TANC1: variants seen among roughly 807,000 people sequenced by gnomAD.
TANC1 encodes protein TANC1.
A neutral mutation model predicts 149.7 loss-of-function variants in TANC1; 77 were observed. The observed-to-expected ratio is 0.51, with a 90% CI of 0.43 to 0.62. The LOEUF is 0.62. TANC1 is among the 20% of genes least tolerant of loss of function. The pLI is 0.00. For synonymous variants in TANC1, 854 were observed against 925.0 expected (o/e 0.92, Z 1.39); for missense variants, 1,985 against 2,321.8 (o/e 0.85, Z 2.98).
intron 21 of TANC1, 91 bp downstream of exon 21, chr2:159,219,452 A>T (rs550761673): frequency 6.4e-7 from 1 of 1,562,596 alleles, no homozygotes. Context: ...TCAAATTCTA[A>T]GTTTTCTGTT....
chr2:159,228,371 G>A (rs868333445), intron 25 of TANC1: 4 of 257,916 alleles, frequency 1.6e-5, no homozygotes, highest in Non-Finnish European at 2.2e-5. Context: ...GTAACCGGTC[G>A]TGGGGAACTC....
intron 2 of TANC1, among the ~76,000 whole-genome samples, chr2:159,065,684 G>A (rs1330189656): frequency 6.6e-6 from 1 of 150,890 alleles, no homozygotes; most frequent in Non-Finnish European, 1.5e-5. Context: ...GAACTTCTGA[G>A]CACTTCATTA....
intron 4 of TANC1, among the ~76,000 whole-genome samples, chr2:159,114,069 T>A (rs775951838): frequency 4.6e-5 from 7 of 152,220 alleles, no homozygotes; most frequent in Non-Finnish European, 7.3e-5. Context: ...GCTTTATGCT[T>A]ATTTATTCTT....
Position 159,149,154 on chromosome 2 carries a change from A to G in TANC1, c.377A>G (p.Asp126Gly), listed in dbSNP as rs1303404868. ...TTCTTTGTTCCAGAAGCAAAGGCCG[A>G]TAATGAACCGAGCTGTTCGCCGGCA... The part of the protein sequence containing the change: ...TEPDEHEAKA[D>G]NEPSCSPAAQ... Residue 126 changes from aspartate to glycine, a missense_variant, in exon 6 of 27, where the codon GAT (aspartate) becomes GGT (glycine). Physicochemically the swap from Asp to Gly is moderately conservative, Grantham distance 94. Around this residue, in one of 3 missense-constraint regions of TANC1, gnomAD observed 557 missense variants for 612.9 expected, o/e 0.91. Coordinates refer to ENST00000263635, the MANE Select transcript of TANC1 (RefSeq NM_033394.3). The G allele has an allele frequency of 6.3e-7, 1 of 1,599,498 alleles. No individual in the cohort carries two copies. Among genetic ancestry groups the G allele is most frequent in the South Asian group, 1.1e-5 (1 of 88,588 alleles).
At chr2:159,053,480 T>A (rs1047434366) in intron 2 of TANC1, among the ~76,000 whole-genome samples, 5 of 152,244 alleles carry the variant, frequency 3.3e-5, no homozygotes, top group Non-Finnish European at 7.3e-5. Context: ...GTGGCTTGTA[T>A]GAATTTGATT....
chr2:159,108,571 GC>G (rs2047411116), intron 4 of TANC1, among the ~76,000 whole-genome samples: 3 of 152,214 alleles, frequency 2.0e-5, no homozygotes, highest in Admixed American at 1.3e-4. Flanking sequence ...AGTCACAGGA[GC>G]CCATGCAGGT....
chr2:159,080,153 C>T (rs751779021), intron 3 of TANC1, among the ~76,000 whole-genome samples: 2 of 152,172 alleles, frequency 1.3e-5, no homozygotes, highest in Non-Finnish European at 2.9e-5. Context: ...GCATCTGGGC[C>T]TTGCCTGGAG....
chr2:159,112,823 C>T (rs1235650542), intron 4 of TANC1, among the ~76,000 whole-genome samples: 8 of 152,104 alleles, frequency 5.3e-5, no homozygotes, highest in Non-Finnish European at 1.0e-4. Context: ...TCAAGCTATC[C>T]CCCAGCCTTG....
intron 4 of TANC1, among the ~76,000 whole-genome samples, chr2:159,113,414 A>G (rs889691178): frequency 6.6e-6 from 1 of 152,230 alleles, no homozygotes; most frequent in African/African-American, 2.4e-5. Context: ...AGAGTACTAA[A>G]TTAATGTCTC....
At position 159,112,321 on chromosome 2, in the gene TANC1, G is replaced by A. The variant is rs372024573; in HGVS notation, c.259+14487G>A. On this transcript the variant is annotated intron_variant, in intron 4 of 26. Transcript: ENST00000263635. Reference sequence around the variant, plus strand: ...GAGTGCCGTGGTGTGATCTCATCTTGCTCGGCTCACTGCAACCTCCCCCTC... The same window carrying A: ...GAGTGCCGTGGTGTGATCTCATCTTACTCGGCTCACTGCAACCTCCCCCTC... 7.9e-5 allele frequency among the ~76,000 whole-genome samples: 12 copies of A among 151,998 alleles called. No homozygotes were observed. The East Asian group carries it at 1.6e-3, about 20-fold the overall frequency.
At chr2:158,984,572 C>G (rs1016756331) in intron 1 of TANC1, among the ~76,000 whole-genome samples, 1 of 152,128 alleles carries the variant, frequency 6.6e-6, no homozygotes, top group Non-Finnish European at 1.5e-5. Flanking sequence ...GAGAGCTGGT[C>G]ATTGTGCACT....
At chr2:159,186,873 T>C in intron 15 of TANC1, 29 bp from the exon 16 acceptor site, 1 of 1,613,974 alleles carries the variant, frequency 6.2e-7, no homozygotes, top group Non-Finnish European at 8.5e-7. Flanking sequence ...TCTCTGATTG[T>C]TTCCAAGATC....
intron 19 of TANC1, among the ~76,000 whole-genome samples, chr2:159,210,950 C>T (rs2058945221): frequency 6.6e-6 from 1 of 151,968 alleles, no homozygotes; most frequent in Admixed American, 6.6e-5. Flanking sequence ...CAGCTCACTG[C>T]AACCTCCGCC....
At chr2:158,981,952 A>G (rs370107690) in intron 1 of TANC1, among the ~76,000 whole-genome samples, 10 of 152,276 alleles carry the variant, frequency 6.6e-5, no homozygotes, top group African/African-American at 2.2e-4. Flanking sequence ...TTTTCTATGT[A>G]CATTGTCTTA....
At chr2:158,998,853 C>G (rs1379543934) in intron 1 of TANC1, among the ~76,000 whole-genome samples, 1 of 152,192 alleles carries the variant, frequency 6.6e-6, no homozygotes, top group Non-Finnish European at 1.5e-5. Context: ...CCATTCCCCC[C>G]TCCCCTCTGA....
chr2:159,137,486 C>T (rs994904328), intron 5 of TANC1, among the ~76,000 whole-genome samples: 4 of 152,128 alleles, frequency 2.6e-5, no homozygotes, highest in Non-Finnish European at 5.9e-5. Flanking sequence ...TGTCCAGGCA[C>T]TCATTGTGTG....
At chr2:159,017,538 A>G (rs2038397371) in intron 2 of TANC1, among the ~76,000 whole-genome samples, 1 of 152,256 alleles carries the variant, frequency 6.6e-6, no homozygotes, top group African/African-American at 2.4e-5. Context: ...CTGAGTTTGG[A>G]AGACTGTGAA....
chr2:158,977,692 G>C (rs2033855490), intron 1 of TANC1, among the ~76,000 whole-genome samples: 1 of 151,776 alleles, frequency 6.6e-6, no homozygotes, highest in Admixed American at 6.6e-5. Context: ...TTAGAGTTAG[G>C]TATTTTTGTT....
intron 4 of TANC1, among the ~76,000 whole-genome samples, chr2:159,118,074 A>C (rs2048475462): frequency 6.6e-6 from 1 of 152,176 alleles, no homozygotes; most frequent in Non-Finnish European, 1.5e-5. Flanking sequence ...CAGAAACCAC[A>C]GAAGTGAAGT....
Sources: allele counts gnomAD v4.1 joint callset (sites outside exome capture counted in the v4.1 genomes callset), GRCh38; gene constraint gnomAD v4.1.1; regional missense constraint gnomAD v4.1.1; transcripts MANE v1.5; gene names NCBI Gene and HGNC (gene_info 2026-07-23, HGNC 2026-07-21).